The following PPARGC1B variants were observed in gnomAD, a reference collection of about 807,000 sequenced individuals.
The protein encoded by PPARGC1B is PPARG coactivator 1 beta.
A neutral mutation model predicts 101.6 loss-of-function variants in PPARGC1B; 34 were observed. The observed-to-expected ratio is 0.33, with a 90% CI of 0.25 to 0.45. The LOEUF (loss-of-function observed/expected upper bound fraction) is 0.45. PPARGC1B is among the 20% of genes least tolerant of loss of function. PPARGC1B has a pLI of 1.00. For missense variants in PPARGC1B, 1,234 were observed against 1,317.6 expected, an observed-to-expected ratio of 0.94 and a Z score of 0.98; for synonymous variants, 548 against 539.3, an observed-to-expected ratio of 1.02 and a Z score of -0.22.
chr5:149,799,049 G>A (rs1757333101), intron 1 of PPARGC1B, among the ~76,000 whole-genome samples: 1 of 137,984 alleles, frequency 7.2e-6, no homozygotes, highest in South Asian at 2.2e-4. Context: ...TGACCTGGTG[G>A]TCCAAACTCA....
At chr5:149,835,270 C>G in intron 6 of PPARGC1B, 31 bp from the exon 7 acceptor site, 1 of 1,611,920 alleles carries the variant, frequency 6.2e-7, no homozygotes, top group South Asian at 1.1e-5. Context: ...TGACTTGCTT[C>G]TTTCCTTTCT....
intron 1 of PPARGC1B, among the ~76,000 whole-genome samples, chr5:149,797,628 A>C (rs1030377177): frequency 2.0e-5 from 3 of 152,234 alleles, no homozygotes; most frequent in Non-Finnish European, 4.4e-5. Context: ...TGGTGCATTT[A>C]AAAATGTTTC....
intron 2 of PPARGC1B, among the ~76,000 whole-genome samples, chr5:149,826,384 G>A (rs760716588): frequency 2.6e-5 from 4 of 152,166 alleles, no homozygotes; most frequent in Non-Finnish European, 4.4e-5. Context: ...TATGTGATAA[G>A]CAGCAGAGCC....
At chr5:149,762,485 G>T (rs1360717710) in intron 1 of PPARGC1B, among the ~76,000 whole-genome samples, 1 of 152,086 alleles carries the variant, frequency 6.6e-6, no homozygotes, top group African/African-American at 2.4e-5. Context: ...GAGCCCTCAG[G>T]TACCTCTCTG....
At chr5:149,821,992 C>T (rs997068289) in intron 2 of PPARGC1B, among the ~76,000 whole-genome samples, 1 of 152,218 alleles carries the variant, frequency 6.6e-6, no homozygotes, top group Non-Finnish European at 1.5e-5. Flanking sequence ...TAGGAACCCA[C>T]ACCCCTCACC....
intron 1 of PPARGC1B, among the ~76,000 whole-genome samples, chr5:149,799,433 T>C (rs76861039): frequency 0.1 from 15,431 of 152,116 alleles, 967 homozygotes; most frequent in Middle Eastern, 0.24. Flanking sequence ...GAAAGTAAAA[T>C]AGTTATTCAT....
chr5:149,774,983 C>T lies in PPARGC1B; in HGVS notation c.78+44563C>T, dbSNP rs550193254. ...ATGTCCCCACAGCCAGAGAGCCGGG[C>T]GAGCTGCAGCCACAGCAGGCAGGGG... is the stretch of plus-strand genomic sequence containing the variant. On this transcript the variant is annotated intron_variant, in intron 1 of 11. Transcript: ENST00000309241. 1.4e-4 allele frequency among the ~76,000 whole-genome samples: 22 copies of T among 152,256 alleles called. 1 individual carries two copies. Among genetic ancestry groups the T allele is most frequent in the East Asian group, 3.9e-4 (2 of 5,182 alleles).
In PPARGC1B at chr5:149,826,874, G is replaced by C. The variant is rs200879206; in HGVS notation, c.454G>C (p.Glu152Gln). The C allele has an allele frequency of 6.2e-7, 1 of 1,610,548 alleles. No homozygotes were observed. Among genetic ancestry groups the C allele is most frequent in the African/African-American group, 1.3e-5 (1 of 74,852 alleles). The change falls in exon 3 of 12, where the codon GAG becomes CAG. Residue 152 changes from glutamate (E) to glutamine (Q), a missense_variant. Transcript: ENST00000309241. Reference sequence around the variant, plus strand: ...CTCGGCCCCAGCCCCTGAGGTGGACGAGCTCTCACTGGTAAGAACCTACTT... The same window carrying C: ...CTCGGCCCCAGCCCCTGAGGTGGACCAGCTCTCACTGGTAAGAACCTACTT... Reference protein sequence around the residue: ...KPSAPAPEVDELSLLQKLLLA... With the variant: ...KPSAPAPEVDQLSLLQKLLLA...
downstream of PPARGC1B, among the ~76,000 whole-genome samples, chr5:149,855,213 G>A (rs568493551): frequency 2.0e-5 from 3 of 152,176 alleles, no homozygotes; most frequent in South Asian, 6.2e-4. Flanking sequence ...ATATCCATTC[G>A]TGCCAGGCAC....
chr5:149,732,847 G>T (rs781166851), intron 1 of PPARGC1B: 3 of 479,316 alleles, frequency 6.3e-6, no homozygotes, highest in South Asian at 4.6e-5. Context: ...TCCAGGTCCT[G>T]TGTGTTACCT....
At chr5:149,797,860 G>A (rs945458069) in intron 1 of PPARGC1B, among the ~76,000 whole-genome samples, 18 of 152,160 alleles carry the variant, frequency 1.2e-4, no homozygotes, top group Non-Finnish European at 1.6e-4. Flanking sequence ...GGCAGAGGTT[G>A]CAGTGAGCCG....
chr5:149,778,425 C>T (rs1311716654), intron 1 of PPARGC1B, among the ~76,000 whole-genome samples: 8 of 151,862 alleles, frequency 5.3e-5, no homozygotes, highest in African/African-American at 1.9e-4. Context: ...GAGGAGGCTC[C>T]AAGCAGAAGC....
At chr5:149,792,460 C>G (rs1038369366) in intron 1 of PPARGC1B, among the ~76,000 whole-genome samples, 3 of 152,090 alleles carry the variant, frequency 2.0e-5, no homozygotes, top group African/African-American at 7.2e-5. Context: ...AGTGGTGGGA[C>G]AGGGTTGGGG....
chr5:149,834,275 C>G (rs1758951190), intron 5 of PPARGC1B, among the ~76,000 whole-genome samples: 1 of 152,230 alleles, frequency 6.6e-6, no homozygotes, highest in African/African-American at 2.4e-5. Flanking sequence ...CAAGAAGGCT[C>G]TCTGGTAGGG....
At chr5:149,800,506 C>T (rs183561259) in intron 1 of PPARGC1B, among the ~76,000 whole-genome samples, 2 of 152,386 alleles carry the variant, frequency 1.3e-5, no homozygotes, top group Admixed American at 1.3e-4. Flanking sequence ...AGTTTCAGCA[C>T]TCTCTAGCTG....
chr5:149,731,748 G>T (rs1754481337), intron 1 of PPARGC1B, among the ~76,000 whole-genome samples: 1 of 152,240 alleles, frequency 6.6e-6, no homozygotes, highest in African/African-American at 2.4e-5. Context: ...ACTCCTTGCG[G>T]TGAAACGCGA....
intron 1 of PPARGC1B, among the ~76,000 whole-genome samples, chr5:149,812,947 A>G (rs532094606): frequency 1.3e-5 from 2 of 152,344 alleles, no homozygotes; most frequent in South Asian, 4.1e-4. Flanking sequence ...CAGAGGTGAG[A>G]GAAGGAACAA....
At chr5:149,821,650 C>A (rs1486946942) in intron 2 of PPARGC1B, among the ~76,000 whole-genome samples, 1 of 152,204 alleles carries the variant, frequency 6.6e-6, no homozygotes, top group Non-Finnish European at 1.5e-5. Flanking sequence ...TGGTGTGCCG[C>A]AAGCGTCCTC....
intron 1 of PPARGC1B, among the ~76,000 whole-genome samples, chr5:149,767,566 C>A (rs886321103): frequency 6.6e-6 from 1 of 152,136 alleles, no homozygotes; most frequent in African/African-American, 2.4e-5. Context: ...TAGGTAACAA[C>A]CCTAGAAATC....
Sources: allele counts gnomAD v4.1 joint callset (sites outside exome capture counted in the v4.1 genomes callset), GRCh38; gene constraint gnomAD v4.1.1; transcripts MANE v1.5; gene names NCBI Gene and HGNC (gene_info 2026-07-23, HGNC 2026-07-21).